Variants in HERC3 observed in about 807,000 individuals in gnomAD.
HERC3 encodes the protein HECT and RLD domain containing E3 ubiquitin protein ligase 3.
HERC3 carries 58 observed loss-of-function variants against 129.9 expected under a neutral mutation model. The observed-to-expected ratio is 0.45, with a 90% CI of 0.36 to 0.56. The LOEUF (loss-of-function observed/expected upper bound fraction) is 0.56. HERC3 is among the 20% of genes least tolerant of loss of function. The pLI is 0.00. For missense variants in HERC3, 835 were observed against 1,244.2 expected, an observed-to-expected ratio of 0.67 and a Z score of 4.95; for synonymous variants, 430 against 451.0, an observed-to-expected ratio of 0.95 and a Z score of 0.59.
At chr4:88,617,175 C>CAAAAAAAAAAAAAAA (rs1162260456) in intron 3 of HERC3, among the ~76,000 whole-genome samples, 1 of 31,860 alleles carries the variant, frequency 3.1e-5, no homozygotes, top group Non-Finnish European at 6.7e-5. Context: ...ACCCTGTCTC[C>CAAAAAAAAAAAAAAA]AAAAAAAAAA....
chr4:88,702,204 A>G (rs938988867), intron 23 of HERC3, among the ~76,000 whole-genome samples: 1 of 152,244 alleles, frequency 6.6e-6, no homozygotes, highest in Non-Finnish European at 1.5e-5. Context: ...TCTCATATCC[A>G]TAAACAATAT....
At chr4:88,524,132 T>C in the HERC3 span, among the ~76,000 whole-genome samples, 15 of 152,344 alleles carry the variant, frequency 9.8e-5, no homozygotes, top group Admixed American at 3.3e-4. Context: ...CCGAATGTAT[T>C]GTCATGGATG....
intron 24 of HERC3, 66 bp downstream of exon 24, chr4:88,704,347 C>A: frequency 6.6e-7 from 1 of 1,518,210 alleles, no homozygotes. Context: ...GGGAGGTGTT[C>A]CCAGAGCCTG....
At chr4:88,584,479 G>C in the HERC3 span, among the ~76,000 whole-genome samples, 1 of 152,126 alleles carries the variant, frequency 6.6e-6, no homozygotes, top group Non-Finnish European at 1.5e-5. Context: ...GCTACCGTTT[G>C]AATGTTGTCC....
At chr4:88,683,667 A>G (rs183038400) in intron 21 of HERC3, among the ~76,000 whole-genome samples, 30 of 152,368 alleles carry the variant, frequency 2.0e-4, no homozygotes, top group African/African-American at 6.7e-4. Context: ...AATGAGAGCT[A>G]GTTATAAGAA....
In HERC3 at chr4:88,651,687, G is replaced by A. The variant is rs572615827; in HGVS notation, c.387-325G>A. On this transcript the variant is annotated intron_variant, in intron 4 of 25. Transcript: ENST00000402738. Reference sequence around the variant, plus strand: ...GTAATGGTGATGGGGAATTGTTGAAGCAATTCTCTGCCTCAGCCTCCCGAG... The same window carrying A: ...GTAATGGTGATGGGGAATTGTTGAAACAATTCTCTGCCTCAGCCTCCCGAG... 2.1e-4 allele frequency among the ~76,000 whole-genome samples: 32 copies of A among 152,236 alleles called. No individual in the cohort carries two copies. In the East Asian group the frequency reaches 6.2e-3, roughly 29 times the overall value.
At position 88,601,782 on chromosome 4, in the gene HERC3, C is replaced by T. The variant is rs180806260; in HGVS notation, c.-29-4013C>T. ...TAGAAAAGGATATTCAGGGGCCGGG[C>T]GCGGTGGCTTACGCCTGTAATCCCA... On this transcript the variant is annotated intron_variant, in intron 2 of 25. Coordinates refer to ENST00000402738, the MANE Select transcript of HERC3 (RefSeq NM_014606.3). 1.8e-3 allele frequency among the ~76,000 whole-genome samples: 168 copies of T among 91,824 alleles called. 1 individual carries two copies. Among genetic ancestry groups the T allele is most frequent in the African/African-American group, 0.017 (97 of 5,636 alleles). 60.2% of individuals were successfully genotyped at this position (91,824 alleles called of 152,430 possible). A position where few individuals can be genotyped will look rare whatever the true frequency, so the allele number is the denominator to read the frequency against.
At chr4:88,615,713 A>G (rs962046650) in intron 3 of HERC3, among the ~76,000 whole-genome samples, 11 of 152,194 alleles carry the variant, frequency 7.2e-5, no homozygotes, top group Admixed American at 1.3e-4. Context: ...TACATTGCCT[A>G]TCAGATACTT....
chr4:88,653,177 C>A, intron 6 of HERC3, 87 bp downstream of exon 6: 1 of 1,285,262 alleles, frequency 7.8e-7, no homozygotes, highest in African/African-American at 1.5e-5. Flanking sequence ...TGTGCTAGCC[C>A]CATGTGAGAT....
chr4:88,570,608 C>G, the HERC3 span, among the ~76,000 whole-genome samples: 1 of 152,042 alleles, frequency 6.6e-6, no homozygotes, highest in Non-Finnish European at 1.5e-5. Context: ...GTGATTAGTC[C>G]AGATATGGCT....
chr4:88,535,326 C>T, the HERC3 span, among the ~76,000 whole-genome samples: 6 of 152,082 alleles, frequency 3.9e-5, no homozygotes, highest in Admixed American at 2.0e-4. Flanking sequence ...ATGGAAAATA[C>T]GACTAAATAT....
chr4:88,655,382 AT>A, intron 8 of HERC3, 78 bp downstream of exon 8: 1 of 1,494,548 alleles, frequency 6.7e-7, no homozygotes. Context: ...GAAGAATGTG[AT>A]TATACCTAGT....
At chr4:88,697,963 C>T in intron 23 of HERC3, 1 of 651,762 alleles carries the variant, frequency 1.5e-6, no homozygotes, top group South Asian at 2.2e-5. Context: ...CACCAGATTC[C>T]TCCTGTTGCT....
At position 88,681,334 on chromosome 4, in the gene HERC3, C is replaced by T. The variant is rs370825372; in HGVS notation, c.2507+9C>T. The T allele has an allele frequency of 1.9e-6, 3 of 1,603,948 alleles. No homozygotes were observed. The highest frequency in any genetic ancestry group is 2.6e-6 in the Non-Finnish European group (3 of 1,176,090). ...TCACCCACTGAAGGAAGGTACAAAG[C>T]TAAAAGGCGATTGGTATCTGAAACT... On this transcript the variant is annotated intron_variant, in intron 21 of 25. Coordinates refer to ENST00000402738, the MANE Select transcript of HERC3 (RefSeq NM_014606.3).
chr4:88,528,785 C>G, the HERC3 span, among the ~76,000 whole-genome samples: 1 of 152,166 alleles, frequency 6.6e-6, no homozygotes, highest in East Asian at 1.9e-4. Context: ...CTGACTTCAA[C>G]CAGTTACTTA....
chr4:88,658,240 A>G (rs1730126549), intron 9 of HERC3, 175 bp from the exon 10 acceptor site: 2 of 411,968 alleles, frequency 4.9e-6, no homozygotes, highest in Non-Finnish European at 8.6e-6. Flanking sequence ...TTTATTTTTA[A>G]TTGAAGTAGA....
At chr4:88,544,120 A>G in the HERC3 span, among the ~76,000 whole-genome samples, 3 of 152,350 alleles carry the variant, frequency 2.0e-5, no homozygotes, top group South Asian at 6.2e-4. Flanking sequence ...AACTCTCATC[A>G]GAGTGAACAG....
intron 6 of HERC3, 94 bp from the exon 7 acceptor site, chr4:88,653,948 G>T: frequency 1.1e-6 from 1 of 870,188 alleles, no homozygotes. Flanking sequence ...CATGCGTCAG[G>T]AATCCAGGAA....
chr4:88,532,237 C>G, the HERC3 span, among the ~76,000 whole-genome samples: 1 of 152,114 alleles, frequency 6.6e-6, no homozygotes, highest in Non-Finnish European at 1.5e-5. Flanking sequence ...TTGACTTACA[C>G]AATTACGGAG....
Sources: gnomAD v4.1 joint callset for allele counts (sites outside exome capture counted in the v4.1 genomes callset) on GRCh38, gnomAD v4.1.1 for gene constraint, MANE v1.5 for transcripts, NCBI Gene and HGNC (gene_info 2026-07-23, HGNC 2026-07-21) for gene names.